CHCHD3: variants seen among roughly 807,000 people sequenced by gnomAD.
CHCHD3 encodes the protein coiled-coil-helix-coiled-coil-helix domain containing 3, also known as MICOS complex subunit MIC19.
CHCHD3 carries 20 observed loss-of-function variants against 38.2 expected under a neutral mutation model. That is an observed-to-expected ratio of 0.52 (90% CI 0.37 to 0.76). The LOEUF is 0.76. CHCHD3 is among the 30% of genes least tolerant of loss of function. CHCHD3 has a pLI of 0.00. For synonymous variants in CHCHD3, 82 were observed against 100.0 expected (o/e 0.82, Z 1.07); for missense variants, 245 against 279.2 (o/e 0.88, Z 0.87).
At chr7:132,818,519 C>T (rs1002941642) in intron 6 of CHCHD3, among the ~76,000 whole-genome samples, 1 of 152,082 alleles carries the variant, frequency 6.6e-6, no homozygotes, top group Non-Finnish European at 1.5e-5. Context: ...CAATAGAAAC[C>T]TCATGGGGGA....
intron 5 of CHCHD3, among the ~76,000 whole-genome samples, chr7:132,883,922 C>T (rs890322662): frequency 1.3e-5 from 2 of 152,084 alleles, no homozygotes; most frequent in Non-Finnish European, 2.9e-5. Flanking sequence ...GTGGAAAAAC[C>T]TTCTAGTTAT....
chr7:132,968,473 G>T (rs994139018), intron 4 of CHCHD3, among the ~76,000 whole-genome samples: 1 of 152,136 alleles, frequency 6.6e-6, no homozygotes, highest in African/African-American at 2.4e-5. Context: ...GCAAAAGCTC[G>T]AATTCATTAA....
At chr7:133,033,251 A>G (rs1242542996) in intron 2 of CHCHD3, among the ~76,000 whole-genome samples, 2 of 152,218 alleles carry the variant, frequency 1.3e-5, no homozygotes, top group Non-Finnish European at 2.9e-5. Context: ...TTCTGTTTAT[A>G]TATAAAACAA....
chr7:132,977,581 A>C (rs753761700), intron 3 of CHCHD3, among the ~76,000 whole-genome samples: 3 of 152,234 alleles, frequency 2.0e-5, no homozygotes, highest in Non-Finnish European at 4.4e-5. Flanking sequence ...GTGGAAACTA[A>C]AATAAAATAA....
At chr7:133,001,346 T>G (rs1812567284) in intron 3 of CHCHD3, among the ~76,000 whole-genome samples, 2 of 152,174 alleles carry the variant, frequency 1.3e-5, no homozygotes, top group South Asian at 4.1e-4. Flanking sequence ...CATCTAACAC[T>G]GCAACATTCC....
chr7:133,079,294 T>C (rs1815101907), intron 1 of CHCHD3, among the ~76,000 whole-genome samples: 1 of 152,232 alleles, frequency 6.6e-6, no homozygotes. Context: ...AGATATACAT[T>C]ATGTCAAATT....
chr7:133,059,148 A>G (rs1584678539), intron 2 of CHCHD3, among the ~76,000 whole-genome samples: 1 of 152,214 alleles, frequency 6.6e-6, no homozygotes, highest in Middle Eastern at 3.2e-3. Context: ...AAAATAAGTC[A>G]TGATCCTCAA....
chr7:132,975,166 C>A lies in CHCHD3; in HGVS notation c.369+3G>T. The A allele has an allele frequency of 1.2e-6, 2 of 1,609,650 alleles. No homozygotes were observed. The highest frequency in any genetic ancestry group is 1.7e-6 in the Non-Finnish European group (2 of 1,177,740). On this transcript the variant is annotated splice_donor_region_variant and intron_variant, in intron 4 of 7. Coordinates refer to ENST00000262570, the MANE Select transcript of CHCHD3 (RefSeq NM_017812.4). ...AAATTTCTCCTACATTTTTAATACT[C>A]ACCAGGTGCTTTGCCTTAGCGCGTT... is the stretch of plus-strand genomic sequence containing the variant.
At chr7:132,878,981 A>G (rs766688413) in intron 5 of CHCHD3, among the ~76,000 whole-genome samples, 5 of 152,182 alleles carry the variant, frequency 3.3e-5, no homozygotes, top group Non-Finnish European at 7.4e-5. Context: ...GGGAAACAGC[A>G]TCCCAGGGAA....
chr7:133,075,309 G>C (rs577837975), intron 1 of CHCHD3, among the ~76,000 whole-genome samples: 28 of 152,142 alleles, frequency 1.8e-4, no homozygotes, highest in Non-Finnish European at 2.2e-4. Flanking sequence ...TTGAAGGCTT[G>C]ATAAACATAT....
intron 2 of CHCHD3, chr7:133,034,634 G>A (rs781232334): frequency 1.9e-6 from 3 of 1,591,786 alleles, no homozygotes; most frequent in Non-Finnish European, 8.6e-7. Context: ...CGTGATTGAA[G>A]GCTTTGCCCA....
At chr7:132,834,571 C>G (rs1441249969) in intron 6 of CHCHD3, among the ~76,000 whole-genome samples, 1 of 152,094 alleles carries the variant, frequency 6.6e-6, no homozygotes, top group Non-Finnish European at 1.5e-5. Flanking sequence ...AGCCAAAATT[C>G]AATGGTTCAA....
At chr7:132,830,568 T>C (rs1315429360) in intron 6 of CHCHD3, 1 of 152,184 alleles carries the variant, frequency 6.6e-6, no homozygotes, top group Non-Finnish European at 1.5e-5. Flanking sequence ...ACATAATAAA[T>C]AACCTGCCTG....
At chr7:132,872,597 C>T (rs77345006) in intron 5 of CHCHD3, among the ~76,000 whole-genome samples, 5 of 152,194 alleles carry the variant, frequency 3.3e-5, no homozygotes, top group African/African-American at 1.2e-4. Flanking sequence ...ACGCTATAGC[C>T]GTACTAATTA....
intron 4 of CHCHD3, among the ~76,000 whole-genome samples, chr7:132,953,602 C>A (rs1223475930): frequency 6.6e-6 from 1 of 152,208 alleles, no homozygotes; most frequent in Non-Finnish European, 1.5e-5. Context: ...CTGGAGGTCC[C>A]AGCAGGTCTG....
chr7:132,921,530 T>C (rs1157887196), intron 4 of CHCHD3, among the ~76,000 whole-genome samples: 2 of 152,142 alleles, frequency 1.3e-5, no homozygotes, highest in Non-Finnish European at 2.9e-5. Flanking sequence ...AATATTTATT[T>C]GAAGGAGGTA....
At chr7:132,896,783 T>A (rs1809511652) in intron 4 of CHCHD3, among the ~76,000 whole-genome samples, 1 of 152,000 alleles carries the variant, frequency 6.6e-6, no homozygotes, top group South Asian at 2.1e-4. Context: ...AAAACACAGC[T>A]CCAAAAAGCT....
intron 7 of CHCHD3, among the ~76,000 whole-genome samples, chr7:132,793,498 A>T (rs1464843839): frequency 2.0e-5 from 3 of 152,212 alleles, no homozygotes; most frequent in Non-Finnish European, 4.4e-5. Flanking sequence ...TAATAGCCTA[A>T]ATGTCTCATG....
At chr7:132,968,473 G>A (rs994139018) in intron 4 of CHCHD3, among the ~76,000 whole-genome samples, 11 of 152,254 alleles carry the variant, frequency 7.2e-5, no homozygotes, top group African/African-American at 2.4e-4. Context: ...GCAAAAGCTC[G>A]AATTCATTAA....
Sources: allele counts gnomAD v4.1 joint callset (sites outside exome capture counted in the v4.1 genomes callset), GRCh38; gene constraint gnomAD v4.1.1; transcripts MANE v1.5; gene names NCBI Gene and HGNC (gene_info 2026-07-23, HGNC 2026-07-21).